The following SPIN1 variants were observed in gnomAD, a reference collection of about 807,000 sequenced individuals.
The protein encoded by SPIN1 is spindlin 1, also known as spindlin-1.
In SPIN1, 3 loss-of-function variants were observed where a neutral mutation model predicts 26.0. The ratio of observed to expected loss-of-function variants is 0.12; its 90% CI spans 0.05 to 0.30. The LOEUF is 0.30. Ranked by LOEUF, SPIN1 falls within the 10% of genes least tolerant of loss-of-function variation. The probability of loss-of-function intolerance (pLI) is 1.00; values close to 1 mark genes in which losing one functional copy is unlikely to be tolerated. For missense variants in SPIN1, 126 were observed against 333.4 expected, an observed-to-expected ratio of 0.38 and a Z score of 4.84; for synonymous variants, 101 against 116.5, an observed-to-expected ratio of 0.87 and a Z score of 0.86.
At chr9:88,458,686 C>T (rs189544751) in intron 3 of SPIN1, among the ~76,000 whole-genome samples, 7 of 152,168 alleles carry the variant, frequency 4.6e-5, no homozygotes, top group East Asian at 1.9e-4. Context: ...GAGAAAAACA[C>T]ATGAGGAGGG....
chr9:88,393,269 G>A (rs546550367), intron 1 of SPIN1, among the ~76,000 whole-genome samples: 4 of 151,456 alleles, frequency 2.6e-5, no homozygotes, highest in South Asian at 4.2e-4. Context: ...TTATAGTAGC[G>A]TGTTAACAAA....
chr9:88,408,857 G>T (rs1241238914), intron 1 of SPIN1, among the ~76,000 whole-genome samples: 2 of 151,248 alleles, frequency 1.3e-5, no homozygotes, highest in Admixed American at 1.3e-4. Context: ...GTAGAGACGG[G>T]GTTTCACCAT....
chr9:88,392,173 C>T (rs1276469733), intron 1 of SPIN1, among the ~76,000 whole-genome samples: 1 of 152,124 alleles, frequency 6.6e-6, no homozygotes, highest in African/African-American at 2.4e-5. Flanking sequence ...TTGAACTTAG[C>T]TGTAGTTATT....
At chr9:88,451,467 T>G (rs1002774636) in intron 3 of SPIN1, among the ~76,000 whole-genome samples, 7 of 152,214 alleles carry the variant, frequency 4.6e-5, no homozygotes, top group Non-Finnish European at 1.0e-4. Context: ...CTGAGCACCT[T>G]GTGGTGTTTT....
chr9:88,453,834 G>C (rs1040106010), intron 3 of SPIN1, among the ~76,000 whole-genome samples: 1 of 152,210 alleles, frequency 6.6e-6, no homozygotes, highest in South Asian at 2.1e-4. Context: ...GGTATCTTAA[G>C]CACATCGGAG....
At position 88,475,424 on chromosome 9, in the gene SPIN1, T is replaced by G; in HGVS notation, c.*147T>G. ...CCAGCAGAACTGGTTTTGTTCTGAA[T>G]AGTACAGATTGATGTGAACACAAAG... On this transcript the variant is annotated 3_prime_UTR_variant, in exon 6 of 6. Coordinates refer to ENST00000375859, the MANE Select transcript of SPIN1 (RefSeq NM_006717.3). The G allele has an allele frequency of 1.4e-6, 1 of 706,068 alleles. No individual in the cohort carries two copies. The highest frequency in any genetic ancestry group is 2.3e-6 in the Non-Finnish European group (1 of 442,504). The allele number at this position is 706,068 out of a possible 1,614,324, so 43.7% of individuals were successfully genotyped here.
chr9:88,462,401 A>G (rs190263727), intron 3 of SPIN1, 95 bp from the exon 4 acceptor site: 1 of 1,499,818 alleles, frequency 6.7e-7, no homozygotes, highest in Non-Finnish European at 9.0e-7. Context: ...TTTTGGGACC[A>G]TCTGTAATGA....
At chr9:88,439,756 T>C (rs1022501867) in intron 2 of SPIN1, among the ~76,000 whole-genome samples, 1 of 152,210 alleles carries the variant, frequency 6.6e-6, no homozygotes, top group East Asian at 1.9e-4. Flanking sequence ...TGATAACTTT[T>C]CTTCCTCCAA....
At chr9:88,410,846 C>A in intron 1 of SPIN1, 1 of 919,516 alleles carries the variant, frequency 1.1e-6, no homozygotes. Flanking sequence ...CTGAAACCAC[C>A]TCCACGACCA....
At position 88,426,573 on chromosome 9, in the gene SPIN1, C is replaced by T. The variant is rs1183028320; in HGVS notation, c.34C>T (p.Arg12Trp). Residue 12 changes from arginine to tryptophan, a missense_variant, in exon 2 of 6, where the codon CGG becomes TGG. Transcript: ENST00000375859. ...CCCATTCGGAAAGACACCTGGCCAG[C>T]GGTCCAGAGCTGATGCAGGTAGGCA... ...KTPFGKTPGQ[R>W]SRADAGHAGV... The T allele has an allele frequency of 6.2e-7, 1 of 1,613,340 alleles. No homozygotes were observed. Among genetic ancestry groups the T allele is most frequent in the Non-Finnish European group, 8.5e-7 (1 of 1,179,532 alleles).
intron 2 of SPIN1, among the ~76,000 whole-genome samples, chr9:88,437,111 C>CGTTTGG (rs1160132157): frequency 5.3e-5 from 8 of 151,938 alleles, no homozygotes; most frequent in African/African-American, 1.9e-4. Context: ...TTTTTATCAC[C>CGTTTGG]AAATAATCTA....
chr9:88,388,773 C>G (rs1029012032), intron 1 of SPIN1, among the ~76,000 whole-genome samples: 1 of 149,846 alleles, frequency 6.7e-6, no homozygotes, highest in African/African-American at 2.4e-5. Context: ...TCGCCGGCCC[C>G]TACTCCTCCG....
In SPIN1 at chr9:88,414,570, G is replaced by A. The variant is rs137861410; in HGVS notation, c.-158-11812G>A. ...TGGCTGACCTGAGCTGTGCCTGAGC[G>A]CCTGCATGAGAAGACTATGTGCTCT... is the stretch of plus-strand genomic sequence containing the variant. On this transcript the variant is annotated intron_variant, in intron 1 of 5. Transcript: ENST00000375859. Among the ~76,000 whole-genome samples the A allele has an allele frequency of 5.3e-5, 8 of 152,328 alleles. No homozygotes were observed. The East Asian group carries it at 7.7e-4, about 15-fold the overall frequency.
chr9:88,405,488 A>G (rs1827279053), intron 1 of SPIN1, among the ~76,000 whole-genome samples: 1 of 150,364 alleles, frequency 6.7e-6, no homozygotes, highest in Non-Finnish European at 1.5e-5. Flanking sequence ...CGCCCTCCCA[A>G]AGTGCTGGGA....
intron 1 of SPIN1, chr9:88,410,950 A>C: frequency 8.2e-7 from 1 of 1,214,252 alleles, no homozygotes. Flanking sequence ...AATTGTTGCC[A>C]TTCACAGTAT....
At chr9:88,420,244 G>A (rs1827644564) in intron 1 of SPIN1, among the ~76,000 whole-genome samples, 1 of 152,132 alleles carries the variant, frequency 6.6e-6, no homozygotes, top group South Asian at 2.1e-4. Flanking sequence ...ATGTGGTGGC[G>A]CATGCCTGTA....
intron 3 of SPIN1, among the ~76,000 whole-genome samples, chr9:88,452,588 C>T (rs1001768695): frequency 4.6e-5 from 7 of 152,138 alleles, no homozygotes; most frequent in Non-Finnish European, 1.0e-4. Context: ...GAATGTTTGC[C>T]GTGGACATCT....
At chr9:88,420,949 C>T (rs1460284857) in intron 1 of SPIN1, among the ~76,000 whole-genome samples, 1 of 152,070 alleles carries the variant, frequency 6.6e-6, no homozygotes, top group Non-Finnish European at 1.5e-5. Context: ...TACACGTAGC[C>T]TCTGCTCTGC....
chr9:88,441,414 T>TGTGTGTGTGTGTGC, intron 2 of SPIN1, among the ~76,000 whole-genome samples: 35 of 141,268 alleles, frequency 2.5e-4, no homozygotes, highest in African/African-American at 9.3e-4. Context: ...TGTGTGTGTG[T>TGTGTGTGTGTGTGC]GCGCGCGCGC....
Sources: gnomAD v4.1 joint callset for allele counts (sites outside exome capture counted in the v4.1 genomes callset) on GRCh38, gnomAD v4.1.1 for gene constraint, MANE v1.5 for transcripts, NCBI Gene and HGNC (gene_info 2026-07-23, HGNC 2026-07-21) for gene names.